STK24: variants seen among roughly 807,000 people sequenced by gnomAD.
STK24 encodes the protein serine/threonine kinase 24, also known as serine/threonine-protein kinase 24.
STK24 carries 21 observed loss-of-function variants against 55.6 expected under a neutral mutation model. The observed-to-expected ratio is 0.38, with a 90% CI of 0.27 to 0.54. STK24 has a LOEUF of 0.54. STK24 is among the 20% of genes least tolerant of loss of function. STK24 has a pLI of 0.79. For synonymous variants in STK24, 200 were observed against 215.2 expected (o/e 0.93, Z 0.62); for missense variants, 383 against 538.4 (o/e 0.71, Z 2.86).
Position 98,446,080 on chromosome 13 carries a change from G to T in STK24, c.*7093C>A. On this transcript the variant is annotated 3_prime_UTR_variant, in exon 11 of 11. Coordinates refer to ENST00000539966, the MANE Select transcript of STK24 (RefSeq NM_001032296.4). ...GCAGGTGCCCGCTGTGCTTCTCACA[G>T]GCCTCCTTGCCTTTCAGAATCAGTT... The T allele has an allele frequency of 6.3e-7, 1 of 1,575,118 alleles. No individual in the cohort carries two copies. Among genetic ancestry groups the T allele is most frequent in the Non-Finnish European group, 8.7e-7 (1 of 1,144,674 alleles).
intron 2 of STK24, among the ~76,000 whole-genome samples, chr13:98,506,407 C>T (rs1281020888): frequency 6.6e-6 from 1 of 152,166 alleles, no homozygotes; most frequent in Non-Finnish European, 1.5e-5. Context: ...CATAGGCAAC[C>T]GTGAACATCC....
At chr13:98,544,406 G>A (rs1896978112) in intron 1 of STK24, among the ~76,000 whole-genome samples, 1 of 152,240 alleles carries the variant, frequency 6.6e-6, no homozygotes, top group South Asian at 2.1e-4. Context: ...TTTGCACTGT[G>A]GGCCCCAGGC....
At chr13:98,551,749 G>A (rs72646403) in intron 1 of STK24, among the ~76,000 whole-genome samples, 3,395 of 152,276 alleles carry the variant, frequency 0.022, 63 homozygotes, top group East Asian at 0.093. Flanking sequence ...TTGCTGGAAT[G>A]TCTGCCCGAA....
At chr13:98,559,932 T>C (rs1482779850) in intron 1 of STK24, among the ~76,000 whole-genome samples, 3 of 151,812 alleles carry the variant, frequency 2.0e-5, no homozygotes, top group Non-Finnish European at 4.4e-5. Context: ...GAGAGATCAC[T>C]TGACCCAGGA....
At position 98,487,548 on chromosome 13, in the gene STK24, C is replaced by T. The variant is rs146180444; in HGVS notation, c.274-5227G>A. 1.8e-3 allele frequency among the ~76,000 whole-genome samples: 280 copies of T among 152,178 alleles called. 3 individuals are homozygous for T. The highest frequency in any genetic ancestry group is 3.6e-3 in the African/African-American group (150 of 41,530). On this transcript the variant is annotated intron_variant, in intron 2 of 10. Coordinates refer to ENST00000539966, the MANE Select transcript of STK24 (RefSeq NM_001032296.4). ...CAAGTCATCACGACATCTAATGTAA[C>T]CTCAGAGAAAAATAGTTATGCACAT...
intron 9 of STK24, among the ~76,000 whole-genome samples, chr13:98,457,963 C>T (rs949036460): frequency 2.6e-4 from 39 of 152,310 alleles, no homozygotes; most frequent in African/African-American, 9.4e-4. Flanking sequence ...TAACCTTGTA[C>T]CAGAAAAGCA....
chr13:98,573,947 A>C (rs888746697), intron 1 of STK24, among the ~76,000 whole-genome samples: 1 of 152,256 alleles, frequency 6.6e-6, no homozygotes, highest in Non-Finnish European at 1.5e-5. Context: ...TGTTTATACT[A>C]ACATGGTTGT....
At chr13:98,557,418 G>A (rs867814706) in intron 1 of STK24, among the ~76,000 whole-genome samples, 2 of 152,086 alleles carry the variant, frequency 1.3e-5, no homozygotes, top group African/African-American at 2.4e-5. Context: ...GCGTTCATTC[G>A]CCCCAGGGCA....
intron 10 of STK24, 179 bp from the exon 11 acceptor site, chr13:98,453,388 T>C: frequency 3.2e-6 from 2 of 629,126 alleles, no homozygotes; most frequent in Admixed American, 3.3e-5. Flanking sequence ...ACTGAGAAGA[T>C]CATGATTCTT....
At position 98,474,825 on chromosome 13, in the gene STK24, G is replaced by C; in HGVS notation, c.593C>G (p.Ser198Trp). Residue 198 changes from serine to tryptophan, a missense_variant, in exon 5 of 11, where the codon TCG becomes TGG. Ser to Trp is a radical substitution (Grantham distance 177). Transcript: ENST00000539966. ...CCGCCCTCACCCTCCCCTCACCTTC[G>C]AGTCATAGGCCGACTGTTTGATGAC... ...PEVIKQSAYDSKADIWSLGIT... is the reference protein window; with the variant it reads ...PEVIKQSAYDWKADIWSLGIT... 1 of 1,609,594 alleles carries C rather than the reference G, an allele frequency of 6.2e-7. No individual in the cohort carries two copies. The highest frequency in any genetic ancestry group is 8.5e-7 in the Non-Finnish European group (1 of 1,177,734).
At chr13:98,516,926 A>T (rs1173978313) in intron 2 of STK24, among the ~76,000 whole-genome samples, 1 of 152,244 alleles carries the variant, frequency 6.6e-6, no homozygotes, top group East Asian at 1.9e-4. Flanking sequence ...TTCTAGCATT[A>T]GCAGCTCAGG....
intron 1 of STK24, among the ~76,000 whole-genome samples, chr13:98,530,025 C>T (rs1369724166): frequency 6.6e-6 from 1 of 152,120 alleles, no homozygotes; most frequent in Non-Finnish European, 1.5e-5. Context: ...AGACAAAAGG[C>T]CAATTGCAGG....
At chr13:98,503,821 T>C (rs1163891068) in intron 2 of STK24, among the ~76,000 whole-genome samples, 1 of 152,182 alleles carries the variant, frequency 6.6e-6, no homozygotes, top group African/African-American at 2.4e-5. Flanking sequence ...ATAAAGGAAA[T>C]GTTCAGAGAT....
intron 1 of STK24, among the ~76,000 whole-genome samples, chr13:98,548,614 C>A (rs1897086564): frequency 6.6e-6 from 1 of 152,148 alleles, no homozygotes; most frequent in Admixed American, 6.5e-5. Context: ...GTAATCCCAG[C>A]ACTGTGGGAG....
chr13:98,510,092 CTG>C (rs1238289048), intron 2 of STK24, among the ~76,000 whole-genome samples: 1 of 152,214 alleles, frequency 6.6e-6, no homozygotes, highest in Non-Finnish European at 1.5e-5. Flanking sequence ...TGTACGGACT[CTG>C]TACCCTCCAT....
intron 2 of STK24, among the ~76,000 whole-genome samples, chr13:98,495,474 C>T (rs574060349): frequency 1.3e-5 from 2 of 152,234 alleles, no homozygotes; most frequent in Admixed American, 1.3e-4. Flanking sequence ...ACTAAAAATG[C>T]CATTAATACT....
chr13:98,450,401 C>G lies in STK24; in HGVS notation c.*2772G>C, dbSNP rs1261723013. ...AGGTACAAAATGCTACATACAGAAC[C>G]AAACCAGCCACTTCACAAGAGCAAT... On this transcript the variant is annotated 3_prime_UTR_variant, in exon 11 of 11. Coordinates refer to ENST00000539966, the MANE Select transcript of STK24 (RefSeq NM_001032296.4). 1.3e-5 allele frequency: 2 copies of G among 152,134 alleles called. No homozygotes were observed. Among genetic ancestry groups the G allele is most frequent in the Non-Finnish European group, 2.9e-5 (2 of 68,026 alleles). 9.4% of individuals were successfully genotyped at this position (152,134 alleles called of 1,614,324 possible).
At chr13:98,534,134 G>A (rs1486151723) in intron 1 of STK24, among the ~76,000 whole-genome samples, 5 of 152,172 alleles carry the variant, frequency 3.3e-5, no homozygotes, top group African/African-American at 1.2e-4. Flanking sequence ...TGGTCACAAA[G>A]CTCCAGCACC....
At position 98,471,725 on chromosome 13, in the gene STK24, T is replaced by C. The variant is rs192603199; in HGVS notation, c.597+3096A>G. Among the ~76,000 whole-genome samples, 3 of 152,288 alleles carry C rather than the reference T, an allele frequency of 2.0e-5. No individual in the cohort carries two copies. In the East Asian group the frequency reaches 5.8e-4, roughly 29 times the overall value. On this transcript the variant is annotated intron_variant, in intron 5 of 10. Coordinates refer to ENST00000539966, the MANE Select transcript of STK24 (RefSeq NM_001032296.4). ...AATGCTCAAAAAGGTTCCAAACATATACAGGAAATGGAGGTTTGTATTCCC... is the reference window on the plus strand; with the variant it reads ...AATGCTCAAAAAGGTTCCAAACATACACAGGAAATGGAGGTTTGTATTCCC...
Sources: gnomAD v4.1 joint callset for allele counts (sites outside exome capture counted in the v4.1 genomes callset) on GRCh38, gnomAD v4.1.1 for gene constraint, MANE v1.5 for transcripts, NCBI Gene and HGNC (gene_info 2026-07-23, HGNC 2026-07-21) for gene names.